Variants in CDH26 observed in about 807,000 individuals in gnomAD.
The protein encoded by CDH26 is cadherin 26, also known as cadherin-like protein 26.
CDH26 carries 83 observed loss-of-function variants against 90.3 expected under a neutral mutation model. That is an observed-to-expected ratio of 0.92 (90% CI 0.77 to 1.10). The LOEUF is 1.10. CDH26 is among the 50% of genes least tolerant of loss of function. The probability of loss-of-function intolerance (pLI) is 0.00; values close to 1 mark genes in which losing one functional copy is unlikely to be tolerated. For missense variants in CDH26, 1,013 were observed against 1,037.6 expected, an observed-to-expected ratio of 0.98 and a Z score of 0.33; for synonymous variants, 397 against 396.3, an observed-to-expected ratio of 1.00 and a Z score of -0.02.
chr20:60,033,348 C>T (rs1176636475), intron 8 of CDH26: 7 of 1,154,746 alleles, frequency 6.1e-6, no homozygotes, highest in Admixed American at 3.5e-5. Context: ...TAACCTCCTT[C>T]GTGTACACAG....
intron 17 of CDH26, among the ~76,000 whole-genome samples, chr20:60,007,558 G>A (rs1468794692): frequency 6.6e-6 from 1 of 152,180 alleles, no homozygotes; most frequent in African/African-American, 2.4e-5. Flanking sequence ...TTAAGCAGCA[G>A]GTTGATGCAA....
intron 6 of CDH26, 71 bp from the exon 7 acceptor site, chr20:59,984,930 A>G (rs892656528): frequency 1.3e-6 from 2 of 1,577,838 alleles, no homozygotes; most frequent in African/African-American, 2.7e-5. Context: ...ATTCCTAAAC[A>G]GAATATTTCT....
At chr20:60,015,248 A>C (rs2061895484), downstream of CDH26, among the ~76,000 whole-genome samples, 1 of 152,182 alleles carries the variant, frequency 6.6e-6, no homozygotes, top group African/African-American at 2.4e-5. Flanking sequence ...AGCCTACCAA[A>C]GTGCTGGGAT....
chr20:60,031,581 A>T (rs1287333472), intron 8 of CDH26, among the ~76,000 whole-genome samples: 1 of 152,234 alleles, frequency 6.6e-6, no homozygotes, highest in East Asian at 1.9e-4. Context: ...AAGGAGTATG[A>T]TCTTCACAGA....
At position 60,025,922 on chromosome 20, in the gene CDH26, C is replaced by T. The variant is rs372089464; in HGVS notation, c.948-5309C>T. Among the ~76,000 whole-genome samples the T allele has an allele frequency of 8.7e-4, 133 of 152,258 alleles. No homozygotes were observed. The South Asian group carries it at 0.027, about 31-fold the overall frequency. ...GCTGCTTGCCCCTGATCAAAATGAA[C>T]CCGGCGTAGTGTTGAATGCTTTCAA... On this transcript the variant is annotated intron_variant, in intron 7 of 8. Coordinates refer to the CDH26 transcript ENST00000370991.
intron 5 of CDH26, among the ~76,000 whole-genome samples, 159 bp downstream of exon 5, chr20:59,983,229 G>A (rs916571332): frequency 6.6e-6 from 1 of 152,136 alleles, no homozygotes; most frequent in Admixed American, 6.5e-5. Flanking sequence ...AATGCTTTGA[G>A]GTCCGTAAGC....
intron 7 of CDH26, among the ~76,000 whole-genome samples, chr20:60,023,973 G>T (rs1306066159): frequency 8.2e-6 from 1 of 121,386 alleles, no homozygotes; most frequent in East Asian, 1.9e-4. Flanking sequence ...GAGAGAGAGA[G>T]AGAGAGAGAG....
intron 1 of CDH26, among the ~76,000 whole-genome samples, chr20:59,967,907 T>TCCTTC (rs2061185882): frequency 2.6e-5 from 3 of 113,768 alleles, no homozygotes; most frequent in Non-Finnish European, 5.2e-5. Flanking sequence ...CTTCCTTCCT[T>TCCTTC]CCTTTCCTTT....
intron 7 of CDH26, chr20:59,986,278 G>A (rs2061457830): frequency 6.6e-6 from 1 of 152,090 alleles, no homozygotes; most frequent in Non-Finnish European, 1.5e-5. Flanking sequence ...GGTCCACATG[G>A]GATTTCCCAG....
intron 13 of CDH26, among the ~76,000 whole-genome samples, chr20:59,998,476 G>A (rs1322872180): frequency 1.3e-5 from 2 of 152,344 alleles, no homozygotes; most frequent in Admixed American, 6.5e-5. Flanking sequence ...GACCAGGAGG[G>A]TTGGAGGGGG....
chr20:60,024,730 AACT>A (rs1430216206), intron 7 of CDH26, among the ~76,000 whole-genome samples: 8 of 152,304 alleles, frequency 5.3e-5, no homozygotes, highest in African/African-American at 1.9e-4. Context: ...CTGTAGCAGA[AACT>A]ACTATCTCCC....
rs6015610 is a variant in CDH26, at chr20:59,983,018, C to A, written c.489C>A (p.Pro163=). 2 of 1,613,768 alleles carry A rather than the reference C, an allele frequency of 1.2e-6. No individual in the cohort carries two copies. Among genetic ancestry groups the A allele is most frequent in the Non-Finnish European group, 1.7e-6 (2 of 1,179,964 alleles). ...TCAGTGATGTGAATGATCATGCACCCCAGTTTCCAGAGAAGGAATTTAACA... is the reference window on the plus strand; with the variant it reads ...TCAGTGATGTGAATGATCATGCACCACAGTTTCCAGAGAAGGAATTTAACA... ...IRISDVNDHA[P]QFPEKEFNIT... The change falls in exon 5 of 18, where the codon CCC becomes CCA. Residue 163 remains proline, a synonymous_variant. Coordinates refer to ENST00000348616, the MANE Select transcript of CDH26 (RefSeq NM_177980.4).
intron 8 of CDH26, among the ~76,000 whole-genome samples, chr20:60,032,371 G>A (rs186004531): frequency 2.6e-5 from 4 of 152,296 alleles, no homozygotes; most frequent in South Asian, 4.2e-4. Context: ...CCAGGGAGAC[G>A]AGGAGGTGAG....
intron 17 of CDH26, among the ~76,000 whole-genome samples, chr20:60,007,183 C>T (rs2061765852): frequency 6.6e-6 from 1 of 152,194 alleles, no homozygotes; most frequent in Non-Finnish European, 1.5e-5. Flanking sequence ...CTCCCAAAGG[C>T]TCCGTCTTCA....
At chr20:60,017,017 A>G (rs2061910729), downstream of CDH26, among the ~76,000 whole-genome samples, 1 of 151,888 alleles carries the variant, frequency 6.6e-6, no homozygotes, top group African/African-American at 2.4e-5. Context: ...TGGTTTGCTA[A>G]TATTTTTGTT....
chr20:60,026,833 T>A (rs1453516733), intron 7 of CDH26, among the ~76,000 whole-genome samples: 1 of 152,226 alleles, frequency 6.6e-6, no homozygotes, highest in Non-Finnish European at 1.5e-5. Flanking sequence ...AATTTTCTGG[T>A]AATCTGTATG....
chr20:60,028,511 G>A (rs1279605981), intron 7 of CDH26, among the ~76,000 whole-genome samples: 1 of 152,220 alleles, frequency 6.6e-6, no homozygotes, highest in Non-Finnish European at 1.5e-5. Context: ...CTGTGATGCA[G>A]AGGGGGCAGT....
chr20:60,002,733 G>T, intron 15 of CDH26, 80 bp from the exon 16 acceptor site: 1 of 1,072,584 alleles, frequency 9.3e-7, no homozygotes, highest in South Asian at 1.6e-5. Flanking sequence ...AAGGCAATAT[G>T]ACTGCAAGAA....
intron 1 of CDH26, among the ~76,000 whole-genome samples, chr20:59,961,764 G>C (rs1032754648): frequency 6.6e-6 from 1 of 152,168 alleles, no homozygotes; most frequent in African/African-American, 2.4e-5. Context: ...CAGGTTCAGT[G>C]ACAAGTAATG....
Sources: gnomAD v4.1 joint callset for allele counts (sites outside exome capture counted in the v4.1 genomes callset) on GRCh38, gnomAD v4.1.1 for gene constraint, MANE v1.5 for transcripts, NCBI Gene and HGNC (gene_info 2026-07-23, HGNC 2026-07-21) for gene names.